ATG16L2: variants seen among roughly 807,000 people sequenced by gnomAD.
The protein encoded by ATG16L2 is autophagy related 16 like 2.
Under a neutral mutation model 84.7 loss-of-function variants are expected in ATG16L2, and 77 were observed. That is an observed-to-expected ratio of 0.91 (90% confidence interval 0.76 to 1.10). ATG16L2 has a LOEUF of 1.10. Among genes scored for constraint, ATG16L2 ranks in the 50% least tolerant of loss-of-function variants. The probability of loss-of-function intolerance (pLI) is 0.00; values close to 1 mark genes in which losing one functional copy is unlikely to be tolerated. For missense variants in ATG16L2, 782 were observed against 817.6 expected (o/e 0.96, Z 0.53); for synonymous variants, 361 against 342.8 (o/e 1.05, Z -0.59).
At chr11:72,816,632 G>A in intron 1 of ATG16L2, 96 bp from the exon 2 acceptor site, 1 of 980,416 alleles carries the variant, frequency 1.0e-6, no homozygotes, top group Non-Finnish European at 1.6e-6. Context: ...TAGCATCTCT[G>A]GGCTCCTTCA....
At chr11:72,815,531 G>C (rs1463504847) in intron 1 of ATG16L2, among the ~76,000 whole-genome samples, 2 of 152,014 alleles carry the variant, frequency 1.3e-5, no homozygotes, top group African/African-American at 4.8e-5. Flanking sequence ...CCGACCCAGG[G>C]AGCTGTGAGT....
rs761524675 is a variant in ATG16L2, at chr11:72,827,304, C to T, written c.1472+11C>T. 6.2e-7 allele frequency: 1 copy of T among 1,607,478 alleles called. No individual in the cohort carries two copies. Among genetic ancestry groups the T allele is most frequent in the Admixed American group, 1.7e-5 (1 of 60,004 alleles). On this transcript the variant is annotated intron_variant, in intron 14 of 17. Transcript: ENST00000321297. Reference sequence around the variant, plus strand: ...GTTCTGGGACAGCAGGTGACAGGCGCAGGCTGGGGGAGGACTTGGGGAGGG... The same window carrying T: ...GTTCTGGGACAGCAGGTGACAGGCGTAGGCTGGGGGAGGACTTGGGGAGGG...
At chr11:72,824,703 G>A in intron 8 of ATG16L2, 31 bp from the exon 9 acceptor site, 1 of 1,548,368 alleles carries the variant, frequency 6.5e-7, no homozygotes, top group Non-Finnish European at 8.9e-7. Flanking sequence ...CTTGCTGAAT[G>A]CCCTCCTGAC....
intron 17 of ATG16L2, 141 bp from the exon 18 acceptor site, chr11:72,829,162 A>G: frequency 1.8e-6 from 2 of 1,106,730 alleles, no homozygotes; most frequent in Admixed American, 2.3e-5. Flanking sequence ...TCCTTTCCAC[A>G]GCCCTGTGAG....
chr11:72,836,197 C>CA (rs1452486125), intron 5 of ATG16L2, among the ~76,000 whole-genome samples: 1 of 152,268 alleles, frequency 6.6e-6, no homozygotes, highest in Non-Finnish European at 1.5e-5. Flanking sequence ...TCCTGGTCCT[C>CA]AGTGTGGCTG....
Position 72,837,230 on chromosome 11 carries a change from AAAAC to A in ATG16L2, c.*22-5384_*22-5381del, listed in dbSNP as rs560792460. On this transcript the variant is annotated intron_variant, in intron 5 of 5. Coordinates refer to the ATG16L2 transcript ENST00000534905. ...TAGATCAACAGGTTAAGAAGTGTAA[AAAAC>A]AACAACGAAAAAAAACCCCAAATCA... The A allele has an allele frequency of 3.9e-3, 593 of 152,666 alleles. 5 individuals are homozygous for A. The highest frequency in any genetic ancestry group is 6.1e-3 in the Non-Finnish European group (416 of 68,022). 9.5% of individuals were successfully genotyped at this position (152,666 alleles called of 1,614,324 possible).
intron 5 of ATG16L2, among the ~76,000 whole-genome samples, chr11:72,842,251 GGAGA>G (rs368123466): frequency 2.6e-5 from 4 of 152,152 alleles, no homozygotes; most frequent in African/African-American, 9.7e-5. Flanking sequence ...TGACAGTGAG[GGAGA>G]GAGAGAGCCA....
chr11:72,831,976 G>A (rs568496647), downstream of ATG16L2, among the ~76,000 whole-genome samples: 25 of 152,308 alleles, frequency 1.6e-4, no homozygotes, highest in East Asian at 3.9e-3. Flanking sequence ...CTGCTACCAC[G>A]GGGGTAGAGG....
chr11:72,838,516 T>G, intron 5 of ATG16L2: 1 of 495,934 alleles, frequency 2.0e-6, no homozygotes, highest in South Asian at 2.2e-5. Context: ...AACAGACCAC[T>G]GTTAGGCATG....
At chr11:72,834,505 G>A (rs186156587), downstream of ATG16L2, among the ~76,000 whole-genome samples, 3 of 152,076 alleles carry the variant, frequency 2.0e-5, no homozygotes, top group African/African-American at 7.2e-5. Flanking sequence ...CCTTTTTTGT[G>A]TGATGTTCTC....
chr11:72,842,610 C>T, intron 5 of ATG16L2: 1 of 1,613,974 alleles, frequency 6.2e-7, no homozygotes, highest in Non-Finnish European at 8.5e-7. Context: ...ACTGTCTCCC[C>T]TCTCAGGTAC....
At chr11:72,831,701 A>G (rs1008444306), downstream of ATG16L2, among the ~76,000 whole-genome samples, 1 of 151,828 alleles carries the variant, frequency 6.6e-6, no homozygotes, top group Non-Finnish European at 1.5e-5. Flanking sequence ...GGCTGGGGAG[A>G]CCGACACTCC....
At position 72,827,232 on chromosome 11, in the gene ATG16L2, T is replaced by C. The variant is rs1860417707; in HGVS notation, c.1411T>C (p.Cys471Arg). The C allele has an allele frequency of 6.2e-7, 1 of 1,613,962 alleles. No individual in the cohort carries two copies. The highest frequency in any genetic ancestry group is 1.1e-5 in the South Asian group (1 of 91,078). The change falls in exon 14 of 18, where the codon TGT becomes CGT. Residue 471 changes from cysteine to arginine, a missense_variant. Cys to Arg is a radical substitution (Grantham distance 180). Transcript: ENST00000321297. ...NVLSYCNDVV[C>R]GDHIIISGHN... The stretch of plus-strand genomic sequence containing the variant: ...CCTTTCCTACTGTAATGACGTGGTG[T>C]GTGGGGACCATATCATCATTAGTGG...
chr11:72,814,563 T>G lies in ATG16L2; in HGVS notation c.118T>G (p.Tyr40Asp). ...KALFLELVPA[Y>D]NHLLEKAELL... ...GCTTTTCCTGGAGCTGGTGCCGGCCTGTGAGTGCGCCCCGGTGCTGAGAGG... is the reference window on the plus strand; with the variant it reads ...GCTTTTCCTGGAGCTGGTGCCGGCCGGTGAGTGCGCCCCGGTGCTGAGAGG... Residue 40 changes from tyrosine to aspartate, a missense_variant and splice_region_variant, in exon 1 of 18, where the codon TAT (tyrosine) becomes GAT (aspartate). Transcript: ENST00000321297. The G allele has an allele frequency of 1.3e-6, 2 of 1,569,028 alleles. No individual in the cohort carries two copies. The highest frequency in any genetic ancestry group is 4.8e-5 in the East Asian group (2 of 41,832).
At chr11:72,826,618 A>G in intron 12 of ATG16L2, 29 bp downstream of exon 12, 1 of 1,614,086 alleles carries the variant, frequency 6.2e-7, no homozygotes, top group Non-Finnish European at 8.5e-7. Context: ...GGCTGCCTGG[A>G]GGTCAGAGGT....
intron 5 of ATG16L2, among the ~76,000 whole-genome samples, chr11:72,836,087 G>C (rs1860720735): frequency 6.6e-6 from 1 of 152,232 alleles, no homozygotes; most frequent in Non-Finnish European, 1.5e-5. Flanking sequence ...GTACACTTAA[G>C]AGTCTTATGC....
chr11:72,833,128 C>T (rs534749896), downstream of ATG16L2, among the ~76,000 whole-genome samples: 30 of 152,354 alleles, frequency 2.0e-4, no homozygotes, highest in Non-Finnish European at 2.5e-4. Context: ...TCTGCTGTTG[C>T]GCTGAGTGTC....
chr11:72,828,053 TTC>T (rs1027783912), intron 14 of ATG16L2, among the ~76,000 whole-genome samples: 9 of 152,354 alleles, frequency 5.9e-5, no homozygotes, highest in African/African-American at 1.9e-4. Context: ...CAACCCTTCC[TTC>T]TCTCTCTCAT....
At chr11:72,836,906 AAAGGAGGC>A (rs1281303413) in intron 5 of ATG16L2, 5 of 152,740 alleles carry the variant, frequency 3.3e-5, no homozygotes, top group Non-Finnish European at 7.4e-5. Flanking sequence ...TATTTTTTAA[AAAGGAGGC>A]ATGTTTTCAC....
Sources: gnomAD v4.1 joint callset for allele counts (sites outside exome capture counted in the v4.1 genomes callset) on GRCh38, gnomAD v4.1.1 for gene constraint, MANE v1.5 for transcripts, NCBI Gene and HGNC (gene_info 2026-07-23, HGNC 2026-07-21) for gene names.